PAPSS1: variants seen among roughly 807,000 people sequenced by gnomAD.
PAPSS1 encodes the protein 3'-phosphoadenosine 5'-phosphosulfate synthase 1.
In PAPSS1, 50 loss-of-function variants were observed where a neutral mutation model predicts 72.0. That is an observed-to-expected ratio of 0.69 (90% CI 0.55 to 0.88). PAPSS1 has a LOEUF of 0.88. Ranked by LOEUF, PAPSS1 falls within the 40% of genes least tolerant of loss-of-function variation. The probability of loss-of-function intolerance (pLI) is 0.00; values close to 1 mark genes in which losing one functional copy is unlikely to be tolerated. For missense variants in PAPSS1, 657 were observed against 782.2 expected (o/e 0.84, Z 1.91); for synonymous variants, 261 against 263.6 (o/e 0.99, Z 0.09).
chr4:107,675,204 A>G (rs1231071691), intron 5 of PAPSS1, among the ~76,000 whole-genome samples: 1 of 152,238 alleles, frequency 6.6e-6, no homozygotes, highest in African/African-American at 2.4e-5. Context: ...TGAAGGAAAC[A>G]GAGACACAAA....
chr4:107,687,767 T>C (rs747262831), intron 3 of PAPSS1, among the ~76,000 whole-genome samples: 36 of 152,172 alleles, frequency 2.4e-4, no homozygotes, highest in Non-Finnish European at 4.7e-4. Flanking sequence ...CTTTTCTTCT[T>C]TCTGGTCTTC....
chr4:107,626,323 ACT>A (rs1726096708), intron 11 of PAPSS1, among the ~76,000 whole-genome samples: 1 of 152,158 alleles, frequency 6.6e-6, no homozygotes. Flanking sequence ...ACTCGTGTGT[ACT>A]GTCTGCTTTT....
At chr4:107,720,070 C>T (rs757464994) in intron 1 of PAPSS1, 50 bp downstream of exon 1, 9 of 1,584,794 alleles carry the variant, frequency 5.7e-6, no homozygotes, top group Non-Finnish European at 6.9e-6. Context: ...GAACGAGCTG[C>T]TCCCACAGCC....
chr4:107,670,808 G>T (rs1476336953), intron 5 of PAPSS1, among the ~76,000 whole-genome samples: 1 of 152,106 alleles, frequency 6.6e-6, no homozygotes, highest in Non-Finnish European at 1.5e-5. Flanking sequence ...AAAGTGCTGG[G>T]ATTACAAGTG....
intron 1 of PAPSS1, among the ~76,000 whole-genome samples, chr4:107,701,643 T>C (rs1173377991): frequency 6.6e-6 from 1 of 152,224 alleles, no homozygotes. Flanking sequence ...ATTCAGATAG[T>C]ATCTACTGAG....
At chr4:107,701,025 A>G in intron 2 of PAPSS1, 146 bp downstream of exon 2, 1 of 435,306 alleles carries the variant, frequency 2.3e-6, no homozygotes, top group Admixed American at 4.0e-5. Flanking sequence ...ATAACAAGAA[A>G]TATTATTAAG....
intron 5 of PAPSS1, among the ~76,000 whole-genome samples, chr4:107,663,828 A>G (rs980771336): frequency 2.6e-5 from 4 of 152,304 alleles, no homozygotes; most frequent in East Asian, 1.9e-4. Context: ...AAATTAGACT[A>G]TATCTTCCAA....
chr4:107,661,174 T>C (rs747494685), intron 5 of PAPSS1, among the ~76,000 whole-genome samples: 19 of 152,180 alleles, frequency 1.2e-4, no homozygotes, highest in Non-Finnish European at 2.5e-4. Flanking sequence ...CCTATCAGGA[T>C]AGCCAAAATC....
intron 4 of PAPSS1, among the ~76,000 whole-genome samples, chr4:107,686,554 GAT>G (rs1722792115): frequency 6.6e-6 from 1 of 152,172 alleles, no homozygotes; most frequent in African/African-American, 2.4e-5. Context: ...CAGAATCAGT[GAT>G]ATGTTAATTC....
chr4:107,665,246 T>G (rs765981978), intron 5 of PAPSS1, among the ~76,000 whole-genome samples: 1 of 152,184 alleles, frequency 6.6e-6, no homozygotes, highest in African/African-American at 2.4e-5. Flanking sequence ...AACATGCAGA[T>G]GCTGCCAGCT....
intron 9 of PAPSS1, among the ~76,000 whole-genome samples, chr4:107,648,669 G>A (rs912793116): frequency 2.0e-5 from 3 of 152,132 alleles, no homozygotes; most frequent in Admixed American, 1.3e-4. Flanking sequence ...GCCTCTCTAC[G>A]GTAAAGCTCC....
intron 11 of PAPSS1, 109 bp downstream of exon 11, chr4:107,631,522 G>A (rs1045515679): frequency 1.3e-5 from 9 of 700,100 alleles, no homozygotes; most frequent in South Asian, 4.2e-5. Context: ...TCTCTGACAT[G>A]AGTACCACAA....
At position 107,614,410 on chromosome 4, in the gene PAPSS1, A is replaced by T. The variant is rs199503454; in HGVS notation, c.1737-23T>A. On this transcript the variant is annotated intron_variant, in intron 11 of 11. Transcript: ENST00000265174. ...TGGCTAAAGGAGAGGAAAAAAAGAA[A>T]ATTATTTCATAATTTTAGAAACTTA... 8.5e-5 allele frequency: 134 copies of T among 1,578,762 alleles called. No homozygotes were observed. In the African/African-American group the frequency reaches 1.6e-3, roughly 19 times the overall value.
intron 2 of PAPSS1, among the ~76,000 whole-genome samples, chr4:107,698,626 T>TGAGTCTC (rs1330846733): frequency 2.0e-5 from 3 of 152,174 alleles, no homozygotes; most frequent in African/African-American, 2.4e-5. Flanking sequence ...TGGGGAAAAG[T>TGAGTCTC]ACTGTGGGAA....
chr4:107,614,477 A>C (rs1332745973), intron 11 of PAPSS1, 90 bp from the exon 12 acceptor site: 2 of 935,562 alleles, frequency 2.1e-6, no homozygotes, highest in Admixed American at 2.8e-5. Flanking sequence ...ATATTAGACA[A>C]ACTTAATGAA....
At chr4:107,686,111 A>G (rs1304398852) in intron 4 of PAPSS1, among the ~76,000 whole-genome samples, 1 of 152,232 alleles carries the variant, frequency 6.6e-6, no homozygotes, top group African/African-American at 2.4e-5. Context: ...CAAAGGCCAG[A>G]GCAGAGTTGG....
chr4:107,706,517 C>A (rs894939227), intron 1 of PAPSS1, among the ~76,000 whole-genome samples: 1 of 151,920 alleles, frequency 6.6e-6, no homozygotes, highest in African/African-American at 2.4e-5. Flanking sequence ...TTGTTGTTTT[C>A]CAGAATACAC....
At chr4:107,649,374 G>T (rs1329651151) in intron 9 of PAPSS1, among the ~76,000 whole-genome samples, 1 of 152,252 alleles carries the variant, frequency 6.6e-6, no homozygotes, top group Non-Finnish European at 1.5e-5. Flanking sequence ...ACTGCTTCCT[G>T]CTCTCACCCC....
At chr4:107,643,094 C>T (rs1578393305) in intron 10 of PAPSS1, among the ~76,000 whole-genome samples, 1 of 152,214 alleles carries the variant, frequency 6.6e-6, no homozygotes, top group African/African-American at 2.4e-5. Context: ...AATGAACAAT[C>T]TGCCACTAAT....
Sources: gnomAD v4.1 joint callset for allele counts (sites outside exome capture counted in the v4.1 genomes callset) on GRCh38, gnomAD v4.1.1 for gene constraint, MANE v1.5 for transcripts, NCBI Gene and HGNC (gene_info 2026-07-23, HGNC 2026-07-21) for gene names.